Variants in HHAT observed in about 807,000 individuals in gnomAD.
HHAT encodes the protein hedgehog acyltransferase.
A neutral mutation model predicts 70.8 loss-of-function variants in HHAT; 47 were observed. The observed-to-expected ratio is 0.66, with a 90% CI of 0.53 to 0.85. HHAT has a LOEUF of 0.85. Among genes scored for constraint, HHAT ranks in the 40% least tolerant of loss-of-function variants. The pLI is 0.00. For synonymous variants in HHAT, 228 were observed against 247.6 expected, an observed-to-expected ratio of 0.92 and a Z score of 0.74; for missense variants, 609 against 604.8, an observed-to-expected ratio of 1.01 and a Z score of -0.07.
At chr1:210,572,324 T>C (rs917570865) in intron 9 of HHAT, among the ~76,000 whole-genome samples, 2 of 152,194 alleles carry the variant, frequency 1.3e-5, no homozygotes, top group African/African-American at 4.8e-5. Context: ...ACTTTGATTA[T>C]TTTTTGAAAA....
intron 9 of HHAT, among the ~76,000 whole-genome samples, chr1:210,540,701 A>G (rs1011800548): frequency 6.6e-6 from 1 of 151,860 alleles, no homozygotes; most frequent in Non-Finnish European, 1.5e-5. Context: ...GGCTATTCAC[A>G]GGTGCAATAA....
intron 11 of HHAT, among the ~76,000 whole-genome samples, chr1:210,658,851 G>A (rs1045683515): frequency 7.2e-5 from 11 of 152,202 alleles, no homozygotes; most frequent in Non-Finnish European, 1.5e-4. Context: ...GGTAAATAAC[G>A]AAATGAAGGC....
intron 11 of HHAT, among the ~76,000 whole-genome samples, chr1:210,646,852 T>C (rs1674157517): frequency 6.6e-6 from 1 of 152,246 alleles, no homozygotes. Flanking sequence ...AATTAATGGC[T>C]AGTTGGCAAT....
chr1:210,484,609 T>C (rs534271530), intron 8 of HHAT, among the ~76,000 whole-genome samples: 21 of 152,276 alleles, frequency 1.4e-4, no homozygotes, highest in African/African-American at 4.6e-4. Context: ...TTATGGATTA[T>C]TTTTGCCTGA....
chr1:210,618,062 G>A (rs1180608799), intron 10 of HHAT, among the ~76,000 whole-genome samples: 1 of 152,186 alleles, frequency 6.6e-6, no homozygotes, highest in Non-Finnish European at 1.5e-5. Context: ...CCCTATCCTT[G>A]AGGAACCTAC....
chr1:210,542,234 C>T (rs578035830), intron 9 of HHAT, among the ~76,000 whole-genome samples: 64 of 152,150 alleles, frequency 4.2e-4, no homozygotes, highest in Non-Finnish European at 7.8e-4. Flanking sequence ...CTGCCTCTCC[C>T]ACCTCTGGGC....
chr1:210,418,127 G>T (rs373824180), intron 6 of HHAT, 27 bp from the exon 7 acceptor site: 44 of 1,612,254 alleles, frequency 2.7e-5, no homozygotes, highest in Non-Finnish European at 3.6e-5. Context: ...AGGCACCATC[G>T]AATGACCTCT....
intron 9 of HHAT, among the ~76,000 whole-genome samples, chr1:210,556,581 A>G (rs1464737369): frequency 2.6e-5 from 4 of 152,062 alleles, no homozygotes; most frequent in Non-Finnish European, 1.5e-5. Context: ...CTGCTGATAC[A>G]CAAATATACC....
At chr1:210,552,473 G>A (rs1021522830) in intron 9 of HHAT, among the ~76,000 whole-genome samples, 11 of 152,268 alleles carry the variant, frequency 7.2e-5, no homozygotes, top group African/African-American at 2.4e-4. Context: ...TAGTTCACTG[G>A]CAAGTGCTCG....
intron 7 of HHAT, among the ~76,000 whole-genome samples, chr1:210,421,976 TATC>T (rs2092917126): frequency 6.6e-6 from 1 of 152,212 alleles, no homozygotes; most frequent in African/African-American, 2.4e-5. Flanking sequence ...CATTTTTATT[TATC>T]ATTTTTACTT....
chr1:210,551,765 G>C lies in HHAT; in HGVS notation c.1044-36133G>C, dbSNP rs572600214. The stretch of plus-strand genomic sequence containing the variant: ...CTCCCAGCCTGCTTTGGTAACCCAG[G>C]TACTTTACAGAAGCTTTTGCCTTTG... On this transcript the variant is annotated intron_variant, in intron 9 of 11. Transcript: ENST00000261458. 1.1e-4 allele frequency among the ~76,000 whole-genome samples: 17 copies of C among 152,318 alleles called. 1 individual carries two copies. The South Asian group carries it at 3.5e-3, about 32-fold the overall frequency.
chr1:210,492,464 T>C (rs753830020), intron 8 of HHAT, among the ~76,000 whole-genome samples: 5 of 152,114 alleles, frequency 3.3e-5, no homozygotes, highest in Non-Finnish European at 7.4e-5. Flanking sequence ...GGGGGAGGCA[T>C]GGATGAGTGA....
intron 3 of HHAT, among the ~76,000 whole-genome samples, chr1:210,383,039 A>C (rs2090767359): frequency 6.6e-6 from 1 of 152,154 alleles, no homozygotes; most frequent in Non-Finnish European, 1.5e-5. Context: ...AAAAAAGAAA[A>C]AAGAAAAAGT....
At chr1:210,373,984 C>G (rs749457798) in intron 3 of HHAT, among the ~76,000 whole-genome samples, 1 of 149,912 alleles carries the variant, frequency 6.7e-6, no homozygotes, top group Admixed American at 6.6e-5. Context: ...GGGAAAGTTA[C>G]ACAGACTTTT....
chr1:210,343,750 C>T (rs946643246), intron 1 of HHAT, among the ~76,000 whole-genome samples: 1 of 152,074 alleles, frequency 6.6e-6, no homozygotes, highest in African/African-American at 2.4e-5. Context: ...GAGACATTAA[C>T]GAAATCCCTG....
chr1:210,577,665 C>T (rs10863844), intron 9 of HHAT, among the ~76,000 whole-genome samples: 57,154 of 80,212 alleles, frequency 0.71, 18,640 homozygotes, highest in East Asian at 0.85. Flanking sequence ...TTTTTTTTTT[C>T]GAAATGGAGT....
intron 7 of HHAT, among the ~76,000 whole-genome samples, chr1:210,420,918 A>G (rs1035084552): frequency 6.6e-6 from 1 of 152,206 alleles, no homozygotes; most frequent in African/African-American, 2.4e-5. Flanking sequence ...TCAAATATAT[A>G]TGTATTCTGA....
intron 8 of HHAT, among the ~76,000 whole-genome samples, chr1:210,508,198 C>CAAAAAAAAA (rs10656040): frequency 3.4e-5 from 3 of 89,444 alleles, no homozygotes; most frequent in Non-Finnish European, 6.1e-5. Context: ...GACTCCTTCT[C>CAAAAAAAAA]AAAAAAAAAA....
chr1:210,529,311 A>AC (rs1382506109), intron 9 of HHAT, among the ~76,000 whole-genome samples: 1 of 146,936 alleles, frequency 6.8e-6, no homozygotes, highest in Admixed American at 6.8e-5. Context: ...TCTCAAAAAA[A>AC]ACAAAGGAAA....
Sources: gnomAD v4.1 joint callset for allele counts (sites outside exome capture counted in the v4.1 genomes callset) on GRCh38, gnomAD v4.1.1 for gene constraint, MANE v1.5 for transcripts, NCBI Gene and HGNC (gene_info 2026-07-23, HGNC 2026-07-21) for gene names.